SLC31A1: variants seen among roughly 807,000 people sequenced by gnomAD.
The protein encoded by SLC31A1 is high affinity copper uptake protein 1.
A neutral mutation model predicts 17.2 loss-of-function variants in SLC31A1; 5 were observed. That is an observed-to-expected ratio of 0.29 (90% confidence interval 0.15 to 0.61). The LOEUF is 0.61. Ranked by LOEUF, SLC31A1 falls within the 20% of genes least tolerant of loss-of-function variation. The pLI, the probability that SLC31A1 is intolerant of heterozygous loss-of-function variation, is 0.86. For synonymous variants in SLC31A1, 76 were observed against 78.8 expected, an observed-to-expected ratio of 0.96 and a Z score of 0.19; for missense variants, 161 against 241.4, an observed-to-expected ratio of 0.67 and a Z score of 2.21.
chr9:113,229,144 C>G (rs532895305), intron 1 of SLC31A1, among the ~76,000 whole-genome samples: 1 of 152,336 alleles, frequency 6.6e-6, no homozygotes, highest in South Asian at 2.1e-4. Context: ...CTGCGCCTGA[C>G]TGATAATTTA....
At chr9:113,251,236 A>G (rs1437955891) in intron 1 of SLC31A1, among the ~76,000 whole-genome samples, 2 of 152,114 alleles carry the variant, frequency 1.3e-5, no homozygotes, top group Non-Finnish European at 2.9e-5. Context: ...CAGCCTTGCC[A>G]ACATGGTGAA....
rs34039262 is a variant in SLC31A1, at chr9:113,259,583, C to CT, written c.372-673dup. Among the ~76,000 whole-genome samples, 290 of 124,444 alleles carry CT rather than the reference C, an allele frequency of 2.3e-3. 1 individual carries two copies. Among genetic ancestry groups the CT allele is most frequent in the South Asian group, 0.012 (47 of 3,772 alleles). 81.6% of individuals were successfully genotyped at this position (124,444 alleles called of 152,430 possible). ...TCTATTTTTTTTTCTTTTTTTCTTT[C>CT]TTTTTTTTTTTTTTTTCTGGAGACA... On this transcript the variant is annotated intron_variant, in intron 4 of 4. Coordinates refer to ENST00000374212, the MANE Select transcript of SLC31A1 (RefSeq NM_001859.4).
intron 1 of SLC31A1, among the ~76,000 whole-genome samples, chr9:113,235,136 C>G (rs1490212085): frequency 6.7e-6 from 1 of 148,874 alleles, no homozygotes; most frequent in Non-Finnish European, 1.5e-5. Flanking sequence ...CTTTGCAAAT[C>G]AGTAAGAAAA....
intron 1 of SLC31A1, among the ~76,000 whole-genome samples, chr9:113,226,951 A>G (rs1034602257): frequency 7.9e-5 from 12 of 152,174 alleles, no homozygotes; most frequent in Admixed American, 2.0e-4. Context: ...ATGAGTTCTC[A>G]CACAACCCCT....
chr9:113,253,552 ATTTTTTT>A lies in SLC31A1; in HGVS notation c.-35-2548_-35-2542del, dbSNP rs71491085. On this transcript the variant is annotated intron_variant, in intron 1 of 4. Transcript: ENST00000374212. ...TAATACCAGATTGTCGAGCTCTGTAATTTTTTTTTTTTTTTTTTTTGAAATGGAGTCT... is the reference window on the plus strand; with the variant it reads ...TAATACCAGATTGTCGAGCTCTGTAATTTTTTTTTTTTTGAAATGGAGTCT... Among the ~76,000 whole-genome samples, 222 of 128,802 alleles carry A rather than the reference ATTTTTTT, an allele frequency of 1.7e-3. 1 individual carries two copies. Among genetic ancestry groups the A allele is most frequent in the African/African-American group, 5.6e-3 (194 of 34,488 alleles). 84.5% of individuals were successfully genotyped at this position (128,802 alleles called of 152,430 possible). A position where few individuals can be genotyped will look rare whatever the true frequency, so the allele number is the denominator to read the frequency against.
rs779298120 is a variant in SLC31A1 at position 113,256,121 on chromosome 9, T to G, written c.-28T>G. ...AATTCTTTCTCTTAAAAGAATCTTC[T>G]GCTGACTCTCAACTTTTCCTGGAAA... On this transcript the variant is annotated 5_prime_UTR_variant, in exon 2 of 5. Coordinates refer to ENST00000374212, the MANE Select transcript of SLC31A1 (RefSeq NM_001859.4). The G allele has an allele frequency of 2.5e-6, 4 of 1,609,866 alleles. No homozygotes were observed. In the Admixed American group the frequency reaches 6.7e-5, roughly 27 times the overall value.
chr9:113,248,684 G>T (rs922911282), intron 1 of SLC31A1, among the ~76,000 whole-genome samples: 3 of 151,814 alleles, frequency 2.0e-5, no homozygotes, highest in Non-Finnish European at 4.4e-5. Flanking sequence ...TCACTATGTT[G>T]GCCAGGCTGG....
At chr9:113,250,102 T>C in intron 1 of SLC31A1, among the ~76,000 whole-genome samples, 1 of 148,762 alleles carries the variant, frequency 6.7e-6, no homozygotes, top group Non-Finnish European at 1.5e-5. Flanking sequence ...AGTTCAACCA[T>C]TGTGGAAGTC....
intron 4 of SLC31A1, 101 bp from the exon 5 acceptor site, chr9:113,260,171 T>G (rs1587997797): frequency 8.6e-5 from 85 of 986,530 alleles, no homozygotes; most frequent in Non-Finnish European, 1.1e-5. Context: ...AGAGTGGCTG[T>G]CCAGTTCCAG....
At chr9:113,243,382 A>G (rs1038787001) in intron 1 of SLC31A1, among the ~76,000 whole-genome samples, 2 of 152,146 alleles carry the variant, frequency 1.3e-5, no homozygotes, top group African/African-American at 4.8e-5. Flanking sequence ...ATAGCCTTCA[A>G]TGGCTGTATA....
chr9:113,229,294 G>C lies in SLC31A1; in HGVS notation c.-36+7616G>C, dbSNP rs978217478. On this transcript the variant is annotated intron_variant, in intron 1 of 4. Coordinates refer to ENST00000374212, the MANE Select transcript of SLC31A1 (RefSeq NM_001859.4). ...ACCACGGTCCTATTTTGCCTCCCAG[G>C]CTCAACCAACAACTTTGTTGTTTCC... Among the ~76,000 whole-genome samples the C allele has an allele frequency of 6.0e-4, 92 of 152,258 alleles. 1 individual carries two copies. Among genetic ancestry groups the C allele is most frequent in the African/African-American group, 2.2e-3 (91 of 41,556 alleles).
intron 1 of SLC31A1, among the ~76,000 whole-genome samples, chr9:113,229,589 A>C (rs887020873): frequency 6.6e-6 from 1 of 152,188 alleles, no homozygotes; most frequent in African/African-American, 2.4e-5. Flanking sequence ...TTGCTATTAC[A>C]AACACTCCTG....
intron 1 of SLC31A1, among the ~76,000 whole-genome samples, chr9:113,237,164 C>CCCACTTAGAG (rs1304780932): frequency 2.0e-5 from 3 of 152,156 alleles, no homozygotes; most frequent in Non-Finnish European, 4.4e-5. Context: ...CCATTTTCAC[C>CCCACTTAGAG]CCACTTAGAG....
intron 1 of SLC31A1, among the ~76,000 whole-genome samples, chr9:113,232,552 C>T (rs1286803599): frequency 1.3e-5 from 2 of 151,900 alleles, no homozygotes; most frequent in Non-Finnish European, 2.9e-5. Context: ...GCAGAGATGG[C>T]CAGGCACGGT....
At chr9:113,251,339 T>A (rs1587994575) in intron 1 of SLC31A1, among the ~76,000 whole-genome samples, 1 of 152,058 alleles carries the variant, frequency 6.6e-6, no homozygotes, top group South Asian at 2.1e-4. Flanking sequence ...GGAGAATCGC[T>A]TGAACCTGAG....
intron 4 of SLC31A1, among the ~76,000 whole-genome samples, chr9:113,259,082 C>T (rs1047729127): frequency 1.3e-5 from 2 of 152,106 alleles, no homozygotes; most frequent in Non-Finnish European, 2.9e-5. Context: ...CTGAGTTGTA[C>T]GGATTGGCCA....
rs1382115078 is a variant in SLC31A1 at position 113,261,271 on chromosome 9, A to T, written c.*798A>T. On this transcript the variant is annotated 3_prime_UTR_variant, in exon 5 of 5. Coordinates refer to ENST00000374212, the MANE Select transcript of SLC31A1 (RefSeq NM_001859.4). ...GAGTGAAACTCCATCTCAAAAAAAAAGAAAAGAAGGTCCAGCTTTTGGATT... is the reference window on the plus strand; with the variant it reads ...GAGTGAAACTCCATCTCAAAAAAAATGAAAAGAAGGTCCAGCTTTTGGATT... 2 of 152,732 alleles carry T rather than the reference A, an allele frequency of 1.3e-5. No individual in the cohort carries two copies. Among genetic ancestry groups the T allele is most frequent in the Non-Finnish European group, 2.9e-5 (2 of 68,512 alleles). 9.5% of individuals were successfully genotyped at this position (152,732 alleles called of 1,614,324 possible).
intron 1 of SLC31A1, among the ~76,000 whole-genome samples, chr9:113,243,344 G>C (rs186650704): frequency 6.6e-6 from 1 of 152,240 alleles, no homozygotes; most frequent in Admixed American, 6.5e-5. Context: ...AATTGAGTTT[G>C]ACTTTAGCAT....
rs1458933740 is a variant in SLC31A1, at chr9:113,251,524, G to GTTTA, written c.-35-4590_-35-4589insTTTA. 4.1e-5 allele frequency among the ~76,000 whole-genome samples: 6 copies of GTTTA among 144,858 alleles called. No homozygotes were observed. The East Asian group carries it at 1.4e-3, about 33-fold the overall frequency. On this transcript the variant is annotated intron_variant, in intron 1 of 4. Transcript: ENST00000374212. ...CCATTTTTATTTTGGAAGAAGCTGA[G>GTTTA]CTTAAGTCAGATTAAAGCTACCAAA...
Sources: gnomAD v4.1 joint callset for allele counts (sites outside exome capture counted in the v4.1 genomes callset) on GRCh38, gnomAD v4.1.1 for gene constraint, MANE v1.5 for transcripts, NCBI Gene and HGNC (gene_info 2026-07-23, HGNC 2026-07-21) for gene names.